Variants in HGF observed in about 807,000 individuals in gnomAD.
The protein encoded by HGF is hepatocyte growth factor, also known as fibroblast-derived tumor cytotoxic factor.
In HGF, 39 loss-of-function variants were observed where a neutral mutation model predicts 111.6. The observed-to-expected ratio is 0.35, with a 90% CI of 0.27 to 0.46. HGF has a LOEUF of 0.46. HGF is among the 20% of genes least tolerant of loss of function. The pLI is 1.00. For synonymous variants in HGF, 285 were observed against 294.8 expected, an observed-to-expected ratio of 0.97 and a Z score of 0.34; for missense variants, 735 against 910.5, an observed-to-expected ratio of 0.81 and a Z score of 2.48.
intron 6 of HGF, among the ~76,000 whole-genome samples, chr7:81,744,124 G>A (rs891185674): frequency 8.6e-5 from 13 of 151,992 alleles, no homozygotes; most frequent in African/African-American, 3.1e-4. Flanking sequence ...AAACAAAAAA[G>A]AATAGAGAAA....
At chr7:81,724,940 A>G (rs5745707) in intron 9 of HGF, among the ~76,000 whole-genome samples, 2,288 of 152,268 alleles carry the variant, frequency 0.015, 64 homozygotes, top group African/African-American at 0.053. Flanking sequence ...AATGGCATCT[A>G]TGTTTCCAAA....
intron 11 of HGF, among the ~76,000 whole-genome samples, chr7:81,714,152 T>G (rs1789649727): frequency 6.6e-6 from 1 of 152,120 alleles, no homozygotes; most frequent in South Asian, 2.1e-4. Context: ...CATGAAGAAA[T>G]CGATGTTCAC....
chr7:81,755,129 A>G (rs1232231115), intron 4 of HGF: 1 of 152,058 alleles, frequency 6.6e-6, no homozygotes. Context: ...TGGGTGGCCA[A>G]TGAAGGATAC....
At chr7:81,726,410 A>T (rs1790012202) in intron 8 of HGF, among the ~76,000 whole-genome samples, 1 of 152,210 alleles carries the variant, frequency 6.6e-6, no homozygotes, top group South Asian at 2.1e-4. Context: ...GAAACAACAC[A>T]TATCTCTCTT....
intron 4 of HGF, chr7:81,756,695 C>G: frequency 6.3e-6 from 1 of 159,802 alleles, no homozygotes; most frequent in Admixed American, 6.1e-5. Context: ...GTGCCCTATT[C>G]TCCCCAGAGA....
In HGF at chr7:81,725,952, T is replaced by A; in HGVS notation, c.1106A>T (p.Asp369Val). ...GSESPWCFTTDPNIRVGYCSQ... is the reference protein window; with the variant it reads ...GSESPWCFTTVPNIRVGYCSQ... ...GCAGTAGCCAACTCGGATGTTTGGA[T>A]CAGTGGTAAAACACCAGGGTGATTC... The change falls in exon 9 of 18, where the codon GAT (aspartate) becomes GTT (valine). Residue 369 changes from aspartate to valine, a missense_variant. Asp to Val is a radical substitution (Grantham distance 152). This residue lies in a region of HGF where 553 missense variants were observed against 685.6 expected (regional missense o/e 0.81). Transcript: ENST00000222390. 6.2e-7 allele frequency: 1 copy of A among 1,614,032 alleles called. No individual in the cohort carries two copies. The highest frequency in any genetic ancestry group is 8.5e-7 in the Non-Finnish European group (1 of 1,179,904).
intron 11 of HGF, among the ~76,000 whole-genome samples, chr7:81,715,304 A>G (rs1789679993): frequency 6.6e-6 from 1 of 152,096 alleles, no homozygotes; most frequent in Non-Finnish European, 1.5e-5. Context: ...AGACTTAACA[A>G]AAACATAGTG....
intron 2 of HGF, among the ~76,000 whole-genome samples, chr7:81,762,011 C>T (rs376880662): frequency 5.3e-5 from 8 of 152,072 alleles, no homozygotes; most frequent in Non-Finnish European, 7.4e-5. Flanking sequence ...AGCTCACTCC[C>T]GCTGTGAGGC....
chr7:81,720,933 A>G (rs1789837968), intron 9 of HGF, 86 bp from the exon 10 acceptor site: 1 of 775,348 alleles, frequency 1.3e-6, no homozygotes, highest in African/African-American at 1.7e-5. Flanking sequence ...TGGAATCATG[A>G]AATCAACATA....
chr7:81,766,339 G>A (rs966686156), intron 1 of HGF, among the ~76,000 whole-genome samples: 2 of 152,156 alleles, frequency 1.3e-5, no homozygotes, highest in South Asian at 4.1e-4. Context: ...GATTAGTGAT[G>A]AAGAGATTCA....
chr7:81,706,767 A>G (rs901384545), intron 14 of HGF, among the ~76,000 whole-genome samples: 4 of 152,040 alleles, frequency 2.6e-5, no homozygotes, highest in Non-Finnish European at 4.4e-5. Context: ...AGCTGTGTAT[A>G]TATTTGGTTT....
chr7:81,733,161 T>C (rs1211404316), intron 7 of HGF, among the ~76,000 whole-genome samples: 1 of 152,006 alleles, frequency 6.6e-6, no homozygotes, highest in Non-Finnish European at 1.5e-5. Context: ...TTAAAAAGTA[T>C]GTAAAATCAT....
At chr7:81,753,097 T>C (rs1303393768) in intron 4 of HGF, among the ~76,000 whole-genome samples, 1 of 152,110 alleles carries the variant, frequency 6.6e-6, no homozygotes, top group Admixed American at 6.6e-5. Context: ...TGGTTTATAA[T>C]AGTAAGCCAT....
At chr7:81,768,162 A>G (rs1228771551) in intron 1 of HGF, among the ~76,000 whole-genome samples, 1 of 152,168 alleles carries the variant, frequency 6.6e-6, no homozygotes, top group African/African-American at 2.4e-5. Context: ...AAAGTTCATA[A>G]TGCATGCCGA....
intron 1 of HGF, among the ~76,000 whole-genome samples, chr7:81,763,491 G>A (rs1274414827): frequency 6.6e-6 from 1 of 152,084 alleles, no homozygotes; most frequent in Non-Finnish European, 1.5e-5. Flanking sequence ...GCCAAATGCT[G>A]TAAATCAAAT....
Position 81,720,969 on chromosome 7 carries a change from G to C in HGF, c.1169-122C>G, listed in dbSNP as rs1485899427. The C allele has an allele frequency of 5.9e-6, 4 of 680,060 alleles. No individual in the cohort carries two copies. The African/African-American group carries it at 7.1e-5, about 12-fold the overall frequency. The allele number at this position is 680,060 out of a possible 1,614,324, so 42.1% of individuals were successfully genotyped here. A position where few individuals can be genotyped will look rare whatever the true frequency, so the allele number is the denominator to read the frequency against. On this transcript the variant is annotated intron_variant, in intron 9 of 17. Transcript: ENST00000222390. Reference sequence around the variant, plus strand: ...AAAATTAAAGTACTTGAAAGGGCTGGGTGCGGTGGCTCACGCCTGTAATCC... The same window carrying C: ...AAAATTAAAGTACTTGAAAGGGCTGCGTGCGGTGGCTCACGCCTGTAATCC...
chr7:81,765,865 G>A (rs959366893), intron 1 of HGF, among the ~76,000 whole-genome samples: 3 of 152,118 alleles, frequency 2.0e-5, no homozygotes, highest in African/African-American at 7.2e-5. Flanking sequence ...AATATCTTTG[G>A]ATCAGATTTT....
At chr7:81,766,829 T>C (rs933127208) in intron 1 of HGF, among the ~76,000 whole-genome samples, 4 of 152,160 alleles carry the variant, frequency 2.6e-5, no homozygotes, top group African/African-American at 9.7e-5. Context: ...TTCAATCAAG[T>C]ACATTTTCAA....
At chr7:81,727,972 A>G (rs1424197845) in intron 8 of HGF, among the ~76,000 whole-genome samples, 1 of 152,180 alleles carries the variant, frequency 6.6e-6, no homozygotes, top group East Asian at 1.9e-4. Flanking sequence ...TGATTTTATG[A>G]TTCATGTCGA....
Sources: allele counts gnomAD v4.1 joint callset (sites outside exome capture counted in the v4.1 genomes callset), GRCh38; gene constraint gnomAD v4.1.1; regional missense constraint gnomAD v4.1.1; transcripts MANE v1.5; gene names NCBI Gene and HGNC (gene_info 2026-07-23, HGNC 2026-07-21).